The following GABPB2 variants were observed in gnomAD, a reference collection of about 807,000 sequenced individuals.
GABPB2 encodes the protein GA binding protein transcription factor subunit beta 2, also known as GA-binding protein subunit beta-2.
A neutral mutation model predicts 39.1 loss-of-function variants in GABPB2; 23 were observed. That is an observed-to-expected ratio of 0.59 (90% confidence interval 0.42 to 0.83). The LOEUF (loss-of-function observed/expected upper bound fraction) is 0.83. Ranked by LOEUF, GABPB2 falls within the 40% of genes least tolerant of loss-of-function variation. The pLI is 0.00. For synonymous variants in GABPB2, 184 were observed against 199.3 expected, an observed-to-expected ratio of 0.92 and a Z score of 0.65; for missense variants, 467 against 541.1, an observed-to-expected ratio of 0.86 and a Z score of 1.36.
Position 151,111,145 on chromosome 1 carries a change from G to A in GABPB2, c.922+3923G>A, listed in dbSNP as rs34821826. 5.6e-3 allele frequency among the ~76,000 whole-genome samples: 852 copies of A among 152,136 alleles called. 1 individual carries two copies. The highest frequency in any genetic ancestry group is 9.5e-3 in the Non-Finnish European group (649 of 68,002). The stretch of plus-strand genomic sequence containing the variant: ...AAAATACAAATATTAGCCAGATGTG[G>A]TGGCCCCAGCCTGGAGTGCAGTGGC... On this transcript the variant is annotated intron_variant, in intron 7 of 8. Transcript: ENST00000368918.
intron 1 of GABPB2, among the ~76,000 whole-genome samples, chr1:151,084,537 T>TC (rs1558131021): frequency 6.9e-6 from 1 of 144,336 alleles, no homozygotes; most frequent in East Asian, 2.0e-4. Context: ...TAGCTGTTTT[T>TC]TTTTTTTTTT....
At position 151,088,287 on chromosome 1, in the gene GABPB2, C is replaced by T. The variant is rs1678375031; in HGVS notation, c.98C>T (p.Thr33Ile). ...RTLMANGAPF[T>I]TDWLGTSPLH... ...TTGATGGCAAATGGCGCCCCATTCA[C>T]CACAGACTGGGTAAGCTTAGAGGAG... Residue 33 changes from threonine (T) to isoleucine (I), a missense_variant, in exon 2 of 9, where the codon ACC becomes ATC. By Grantham distance (89) the Thr-to-Ile change is moderately conservative. Coordinates refer to ENST00000368918, the MANE Select transcript of GABPB2 (RefSeq NM_144618.3). 6.2e-7 allele frequency: 1 copy of T among 1,612,012 alleles called. No individual in the cohort carries two copies. The highest frequency in any genetic ancestry group is 2.2e-5 in the East Asian group (1 of 44,844).
chr1:151,116,062 C>T (rs1680837712), intron 7 of GABPB2, among the ~76,000 whole-genome samples: 1 of 150,836 alleles, frequency 6.6e-6, no homozygotes, highest in Non-Finnish European at 1.5e-5. Context: ...GAGATTGTGC[C>T]ACTGCACTCC....
chr1:151,078,022 G>A (rs1349062400), intron 1 of GABPB2, among the ~76,000 whole-genome samples: 1 of 151,698 alleles, frequency 6.6e-6, no homozygotes, highest in East Asian at 1.9e-4. Context: ...TGTAATCCCA[G>A]CACTTTGGGA....
intron 1 of GABPB2, among the ~76,000 whole-genome samples, chr1:151,081,512 G>T (rs1018052883): frequency 1.3e-5 from 2 of 151,844 alleles, no homozygotes; most frequent in South Asian, 2.1e-4. Context: ...AAGAAACAAA[G>T]AAACAAACCG....
chr1:151,091,155 TCTG>T (rs1183863814), intron 3 of GABPB2, among the ~76,000 whole-genome samples: 2 of 151,472 alleles, frequency 1.3e-5, no homozygotes, highest in African/African-American at 4.8e-5. Context: ...TGGCACGATC[TCTG>T]CTCACCACAA....
At chr1:151,087,779 G>A (rs1241405625) in intron 1 of GABPB2, among the ~76,000 whole-genome samples, 1 of 152,150 alleles carries the variant, frequency 6.6e-6, no homozygotes, top group Non-Finnish European at 1.5e-5. Context: ...CCATCAAGCA[G>A]TAGTTTCACA....
chr1:151,110,923 A>C (rs1680373443), intron 7 of GABPB2, among the ~76,000 whole-genome samples: 3 of 152,232 alleles, frequency 2.0e-5, no homozygotes. Flanking sequence ...AAAGAAATAC[A>C]AACCAATTTT....
At chr1:151,117,331 G>A (rs879485558) in intron 7 of GABPB2, 61 bp from the exon 8 acceptor site, 13 of 1,558,972 alleles carry the variant, frequency 8.3e-6, no homozygotes, top group East Asian at 2.3e-5. Flanking sequence ...TTAAAAGCAA[G>A]CAAAACCTCT....
At chr1:151,095,492 C>T (rs1424579223) in intron 4 of GABPB2, among the ~76,000 whole-genome samples, 1 of 152,144 alleles carries the variant, frequency 6.6e-6, no homozygotes, top group Non-Finnish European at 1.5e-5. Flanking sequence ...ATGAGAGAGA[C>T]ACTTAATGCT....
intron 1 of GABPB2, among the ~76,000 whole-genome samples, chr1:151,073,979 C>CT (rs587690492): frequency 0.021 from 2,690 of 129,048 alleles, 52 homozygotes; most frequent in African/African-American, 0.041. Flanking sequence ...ATGGTTATTT[C>CT]TTTTTTTTTT....
intron 1 of GABPB2, among the ~76,000 whole-genome samples, chr1:151,075,453 A>G (rs988309045): frequency 6.6e-6 from 1 of 150,502 alleles, no homozygotes; most frequent in African/African-American, 2.5e-5. Flanking sequence ...AGTCCCAGCT[A>G]CTCGGGAGGC....
chr1:151,109,116 AG>A (rs1680186050), intron 7 of GABPB2, among the ~76,000 whole-genome samples: 1 of 151,984 alleles, frequency 6.6e-6, no homozygotes, highest in South Asian at 2.1e-4. Context: ...AGTTGAGCCC[AG>A]GAGCTCAAGG....
chr1:151,091,769 G>T (rs114950269), intron 3 of GABPB2, among the ~76,000 whole-genome samples: 1 of 151,730 alleles, frequency 6.6e-6, no homozygotes, highest in Non-Finnish European at 1.5e-5. Context: ...GAGCCACCAC[G>T]CCCGGCCCTA....
rs150293627 is a variant in GABPB2, at chr1:151,096,241, C to T, written c.472-1611C>T. Reference sequence around the variant, plus strand: ...GAGTTCAACGCCAGCCTGGGCAACTCGATGAAACCCTGTCTCTACTAAAAT... The same window carrying T: ...GAGTTCAACGCCAGCCTGGGCAACTTGATGAAACCCTGTCTCTACTAAAAT... On this transcript the variant is annotated intron_variant, in intron 4 of 8. Coordinates refer to ENST00000368918, the MANE Select transcript of GABPB2 (RefSeq NM_144618.3). 2.4e-4 allele frequency among the ~76,000 whole-genome samples: 36 copies of T among 151,856 alleles called. No individual in the cohort carries two copies. The East Asian group carries it at 6.4e-3, about 27-fold the overall frequency.
chr1:151,106,528 G>C (rs926644095), intron 6 of GABPB2, among the ~76,000 whole-genome samples: 1 of 151,242 alleles, frequency 6.6e-6, no homozygotes, highest in African/African-American at 2.4e-5. Context: ...AGTAGAGACA[G>C]TGTTTTGCCA....
At position 151,118,165 on chromosome 1, in the gene GABPB2, G is replaced by A; in HGVS notation, c.1256G>A (p.Gly419Glu). 2 of 1,614,154 alleles carry A rather than the reference G, an allele frequency of 1.2e-6. No homozygotes were observed. The highest frequency in any genetic ancestry group is 1.7e-6 in the Non-Finnish European group (2 of 1,180,036). ...AEVDAVVVTE[G>E]ELEERETKVT... ...GTAGATGCTGTAGTAGTCACAGAGG[G>A]GGAGTTGGAAGAGAGAGAGACAAAA... Residue 419 changes from glycine to glutamate, a missense_variant, in exon 9 of 9, where the codon GGG becomes GAG. Physicochemically the swap from Gly to Glu is moderately conservative, Grantham distance 98. Transcript: ENST00000368918.
intron 3 of GABPB2, 22 bp from the exon 4 acceptor site, chr1:151,093,170 A>G: frequency 6.5e-7 from 1 of 1,533,332 alleles, no homozygotes; most frequent in Non-Finnish European, 8.8e-7. Context: ...TGTTTGTTGA[A>G]AAAAATGCTT....
chr1:151,118,259 T>C lies in GABPB2; in HGVS notation c.*3T>C. On this transcript the variant is annotated 3_prime_UTR_variant, in exon 9 of 9. Coordinates refer to ENST00000368918, the MANE Select transcript of GABPB2 (RefSeq NM_144618.3). ...CCATGGCAACTGTTTCATCTTAATA[T>C]GCAAGGGCCACAATTTGCACTGTGT... is the stretch of plus-strand genomic sequence containing the variant. 6.2e-7 allele frequency: 1 copy of C among 1,609,760 alleles called. No homozygotes were observed. The highest frequency in any genetic ancestry group is 8.5e-7 in the Non-Finnish European group (1 of 1,177,072).
Sources: gnomAD v4.1 joint callset for allele counts (sites outside exome capture counted in the v4.1 genomes callset) on GRCh38, gnomAD v4.1.1 for gene constraint, MANE v1.5 for transcripts, NCBI Gene and HGNC (gene_info 2026-07-23, HGNC 2026-07-21) for gene names.